The following ANK2 variants were observed in gnomAD, a reference collection of about 807,000 sequenced individuals.
ANK2 encodes the protein ankyrin-2.
In ANK2, 83 loss-of-function variants were observed where a neutral mutation model predicts 360.5. That is an observed-to-expected ratio of 0.23 (90% CI 0.19 to 0.28). The LOEUF is 0.28. Ranked by LOEUF, ANK2 falls within the 10% of genes least tolerant of loss-of-function variation. The pLI is 1.00. For synonymous variants in ANK2, 1,740 were observed against 1,759.5 expected (o/e 0.99, Z 0.28); for missense variants, 4,201 against 4,795.7 (o/e 0.88, Z 3.66).
chr4:112,819,411 A>G (rs1247598379), intron 1 of ANK2, among the ~76,000 whole-genome samples: 1 of 152,204 alleles, frequency 6.6e-6, no homozygotes, highest in Non-Finnish European at 1.5e-5. Context: ...TGCACAAACC[A>G]GAGACTTTGG....
At chr4:112,996,773 ATTAAG>A (rs1480407855) in intron 2 of ANK2, among the ~76,000 whole-genome samples, 3 of 152,166 alleles carry the variant, frequency 2.0e-5, no homozygotes, top group Non-Finnish European at 2.9e-5. Flanking sequence ...AAAATGTACA[ATTAAG>A]TTATTATTGA....
rs1261874378 is a variant in ANK2, at chr4:112,831,694, G to GT, written c.-40+13436dup. Among the ~76,000 whole-genome samples the GT allele has an allele frequency of 2.6e-5, 4 of 152,196 alleles. No homozygotes were observed. The East Asian group carries it at 7.7e-4, about 29-fold the overall frequency. ...TCCTCTTTCATGCTGTGGAAGCTTT[G>GT]TTTTTTCGCTCTTCACAATAAATCT... is the stretch of plus-strand genomic sequence containing the variant. On this transcript the variant is annotated intron_variant, in intron 1 of 30. Coordinates refer to the ANK2 transcript ENST00000503271.
In ANK2 at chr4:113,071,261, G is replaced by T. The variant is rs146263547; in HGVS notation, c.84+21449G>T. On this transcript the variant is annotated intron_variant, in intron 1 of 45. Coordinates refer to ENST00000357077, the MANE Select transcript of ANK2 (RefSeq NM_001148.6). ...CCAGGATAGGTACAAGCACTGGCGC[G>T]TGTGACAGCAGGCTTCAAACCTCAT... is the stretch of plus-strand genomic sequence containing the variant. Among the ~76,000 whole-genome samples, 319 of 152,322 alleles carry T rather than the reference G, an allele frequency of 2.1e-3. 2 individuals are homozygous for T. The highest frequency in any genetic ancestry group is 7.2e-3 in the African/African-American group (298 of 41,566).
At chr4:112,733,238 A>T in the ANK2 span, among the ~76,000 whole-genome samples, 1 of 146,030 alleles carries the variant, frequency 6.8e-6, no homozygotes, top group African/African-American at 2.8e-5. Context: ...AATAATACAT[A>T]AAAAAAATAA....
chr4:112,726,260 A>G, the ANK2 span, among the ~76,000 whole-genome samples: 6 of 152,222 alleles, frequency 3.9e-5, no homozygotes, highest in Admixed American at 3.9e-4. Context: ...GGTGATGGAC[A>G]GATCATGTTT....
At chr4:112,779,466 C>T in the ANK2 span, among the ~76,000 whole-genome samples, 28 of 152,106 alleles carry the variant, frequency 1.8e-4, no homozygotes, top group African/African-American at 5.3e-4. Context: ...TCGTGGTGAG[C>T]CAAGATTGCG....
At chr4:113,125,243 A>G (rs2154374120) in intron 1 of ANK2, among the ~76,000 whole-genome samples, 1 of 152,250 alleles carries the variant, frequency 6.6e-6, no homozygotes, top group South Asian at 2.1e-4. Flanking sequence ...TAGCGAAAAA[A>G]CTTAATCTCT....
At chr4:113,350,141 T>A (rs1021260659) in intron 36 of ANK2, 87 bp from the exon 37 acceptor site, 1 of 1,250,186 alleles carries the variant, frequency 8.0e-7, no homozygotes, top group Non-Finnish European at 1.2e-6. Context: ...ACATGTATAA[T>A]TATGAATAGG....
Position 113,183,231 on chromosome 4 carries a change from A to G in ANK2, c.186+8714A>G, listed in dbSNP as rs369974679. Among the ~76,000 whole-genome samples, 46 of 151,724 alleles carry G rather than the reference A, an allele frequency of 3.0e-4. 1 individual carries two copies. The East Asian group carries it at 8.1e-3, about 27-fold the overall frequency. ...GTAAAGATAGGAGAGGAGGGGATGG[A>G]GGTGGAGGAGGGAGAAGGTGTGAAA... On this transcript the variant is annotated intron_variant, in intron 2 of 45. Coordinates refer to ENST00000357077, the MANE Select transcript of ANK2 (RefSeq NM_001148.6).
chr4:112,713,908 TG>T, the ANK2 span, among the ~76,000 whole-genome samples: 1 of 138,162 alleles, frequency 7.2e-6, no homozygotes, highest in Non-Finnish European at 1.5e-5. Flanking sequence ...CACTCCAGCC[TG>T]GGCGACAGAG....
At chr4:113,235,860 G>A (rs1274963986) in intron 5 of ANK2, among the ~76,000 whole-genome samples, 1 of 152,114 alleles carries the variant, frequency 6.6e-6, no homozygotes, top group Non-Finnish European at 1.5e-5. Context: ...TCCTGCCTCA[G>A]CCTCCCGAGT....
At chr4:113,060,017 G>A (rs145750760) in intron 1 of ANK2, among the ~76,000 whole-genome samples, 13 of 152,152 alleles carry the variant, frequency 8.5e-5, no homozygotes, top group East Asian at 1.9e-4. Flanking sequence ...ACCCAACTAC[G>A]TTACCAAAAT....
At chr4:113,267,464 A>G (rs748775193) in intron 14 of ANK2, among the ~76,000 whole-genome samples, 21 of 152,314 alleles carry the variant, frequency 1.4e-4, no homozygotes, top group African/African-American at 2.9e-4. Flanking sequence ...AGTTTTCTGC[A>G]TATGGCTAGC....
intron 2 of ANK2, among the ~76,000 whole-genome samples, chr4:113,022,268 A>G (rs2058341208): frequency 6.6e-6 from 1 of 152,256 alleles, no homozygotes; most frequent in Admixed American, 6.5e-5. Flanking sequence ...ATCCTTTACC[A>G]GATTGGAAAC....
chr4:112,813,310 A>G (rs1188354851), upstream of ANK2, among the ~76,000 whole-genome samples: 7 of 151,998 alleles, frequency 4.6e-5, no homozygotes, highest in Admixed American at 3.9e-4. Context: ...CAATGGAAAA[A>G]ATTACAAATG....
At chr4:113,079,961 C>T (rs970282176) in intron 1 of ANK2, among the ~76,000 whole-genome samples, 9 of 146,360 alleles carry the variant, frequency 6.1e-5, no homozygotes, top group Admixed American at 4.8e-4. Context: ...TGTGGTGGTG[C>T]GATCTCAGCT....
At chr4:112,906,889 A>G (rs972470877) in intron 2 of ANK2, among the ~76,000 whole-genome samples, 3 of 152,208 alleles carry the variant, frequency 2.0e-5, no homozygotes, top group African/African-American at 4.8e-5. Flanking sequence ...TATTATGTAC[A>G]TGAATATTAC....
Position 113,356,571 on chromosome 4 carries a change from G to C in ANK2, c.7953G>C (p.Val2651=), listed in dbSNP as rs2095793106. Residue 2651 remains valine (V), a synonymous_variant, in exon 38 of 46, where the codon GTG becomes GTC. Coordinates refer to ENST00000357077, the MANE Select transcript of ANK2 (RefSeq NM_001148.6). ...GGGAGGATGAAAGTGGTGTCCCTGTGTTAGTAACTTCGGAGAGCAGGAAGG... is the reference window on the plus strand; with the variant it reads ...GGGAGGATGAAAGTGGTGTCCCTGTCTTAGTAACTTCGGAGAGCAGGAAGG... ...GSGEDESGVP[V]LVTSESRKVS... 1.9e-6 allele frequency: 3 copies of C among 1,613,992 alleles called. No homozygotes were observed. In the Admixed American group the frequency reaches 5.0e-5, roughly 27 times the overall value.
At chr4:112,746,231 TTGAG>T in the ANK2 span, among the ~76,000 whole-genome samples, 8 of 152,196 alleles carry the variant, frequency 5.3e-5, no homozygotes, top group African/African-American at 1.9e-4. Context: ...TATATTAATC[TTGAG>T]TAATTTTCTA....
Sources: gnomAD v4.1 joint callset for allele counts (sites outside exome capture counted in the v4.1 genomes callset) on GRCh38, gnomAD v4.1.1 for gene constraint, MANE v1.5 for transcripts, NCBI Gene and HGNC (gene_info 2026-07-23, HGNC 2026-07-21) for gene names.